CSTA: variants seen among roughly 807,000 people sequenced by gnomAD.
CSTA encodes cystatin-A.
Under a neutral mutation model 9.2 loss-of-function variants are expected in CSTA, and 9 were observed. That is an observed-to-expected ratio of 0.97 (90% CI 0.59 to 1.70). CSTA has a LOEUF of 1.70. Among genes scored for constraint, CSTA ranks in the 40% most tolerant of loss-of-function variants. The probability of loss-of-function intolerance (pLI) is 0.00; values close to 1 mark genes in which losing one functional copy is unlikely to be tolerated. For synonymous variants in CSTA, 36 were observed against 40.6 expected (o/e 0.89, Z 0.43); for missense variants, 118 against 113.1 (o/e 1.04, Z -0.20).
Position 122,337,832 on chromosome 3 carries a change from T to G in CSTA, c.168+184T>G, listed in dbSNP as rs2075244194. The G allele has an allele frequency of 9.6e-6, 6 of 622,130 alleles. No individual in the cohort carries two copies. In the Admixed American group the frequency reaches 1.2e-4, roughly 12 times the overall value. 38.5% of individuals were successfully genotyped at this position (622,130 alleles called of 1,614,324 possible). A position where few individuals can be genotyped will look rare whatever the true frequency, so the allele number is the denominator to read the frequency against. ...GATGATGTGACACCATTTTTTTTCT[T>G]GTGAATTCAGAAAGTTTTATTACAT... On this transcript the variant is annotated intron_variant, in intron 2 of 2. Coordinates refer to ENST00000264474, the MANE Select transcript of CSTA (RefSeq NM_005213.4).
In CSTA at chr3:122,341,383, T is replaced by C. The variant is rs1041534678; in HGVS notation, c.169-56T>C. The stretch of plus-strand genomic sequence containing the variant: ...GTAGACCTGTGGCTCTCTCACTTGA[T>C]GTAGACCCATTTGAATGAATCTCCT... On this transcript the variant is annotated intron_variant, in intron 2 of 2. Transcript: ENST00000264474. 1.5e-5 allele frequency: 24 copies of C among 1,594,726 alleles called. No individual in the cohort carries two copies. The African/African-American group carries it at 3.1e-4, about 21-fold the overall frequency.
At chr3:122,331,879 T>A (rs769140671) in intron 1 of CSTA, among the ~76,000 whole-genome samples, 6 of 152,134 alleles carry the variant, frequency 3.9e-5, no homozygotes, top group Non-Finnish European at 8.8e-5. Context: ...TGGAAGGCAA[T>A]TTTTCCACAG....
chr3:122,341,657 CT>C lies in CSTA; in HGVS notation c.*94del. On this transcript the variant is annotated 3_prime_UTR_variant, in exon 3 of 3. Transcript: ENST00000264474. The stretch of plus-strand genomic sequence containing the variant: ...ATATAACCATCAATAAAGAAGCATT[CT>C]TTTCCAAAGAAATTATTTCTTCAAT... 1 of 1,460,262 alleles carries C rather than the reference CT, an allele frequency of 6.8e-7. No homozygotes were observed. Among genetic ancestry groups the C allele is most frequent in the South Asian group, 1.2e-5 (1 of 83,512 alleles). The allele number at this position is 1,460,262 out of a possible 1,614,324, so 90.5% of individuals were successfully genotyped here. A position where few individuals can be genotyped will look rare whatever the true frequency, so the allele number is the denominator to read the frequency against.
chr3:122,328,996 C>T (rs1181782845), intron 1 of CSTA, among the ~76,000 whole-genome samples: 2 of 150,522 alleles, frequency 1.3e-5, no homozygotes, highest in African/African-American at 4.9e-5. Context: ...GACGGAATCT[C>T]GCTCTGTCGC....
intron 1 of CSTA, among the ~76,000 whole-genome samples, chr3:122,331,158 A>C (rs2075202810): frequency 2.0e-5 from 3 of 151,518 alleles, no homozygotes; most frequent in African/African-American, 7.3e-5. Context: ...CCTTAGTCAT[A>C]AACCTAATTG....
In CSTA at chr3:122,337,560, T is replaced by C; in HGVS notation, c.80T>C (p.Leu27Pro). 6.2e-7 allele frequency: 1 copy of C among 1,610,634 alleles called. No homozygotes were observed. The highest frequency in any genetic ancestry group is 8.5e-7 in the Non-Finnish European group (1 of 1,176,870). Residue 27 changes from leucine to proline, a missense_variant, in exon 2 of 3, where the codon CTT becomes CCT. Coordinates refer to ENST00000264474, the MANE Select transcript of CSTA (RefSeq NM_005213.4). ...TCTTTTCTTTAGGTTAAACCACAGC[T>C]TGAAGAAAAAACAAATGAGACTTAC... ...QEIVDKVKPQ[L>P]EEKTNETYGK... is the part of the protein sequence containing the mutation.
intron 1 of CSTA, among the ~76,000 whole-genome samples, chr3:122,327,762 CT>C (rs2075179277): frequency 6.6e-6 from 1 of 151,798 alleles, no homozygotes; most frequent in Admixed American, 6.6e-5. Context: ...AAAAATCCCC[CT>C]GAGACTCTCT....
chr3:122,328,612 G>C (rs1166696459), intron 1 of CSTA, among the ~76,000 whole-genome samples: 1 of 151,922 alleles, frequency 6.6e-6, no homozygotes, highest in Non-Finnish European at 1.5e-5. Context: ...GCTTTGTTAG[G>C]AAACGGAAAT....
chr3:122,331,583 T>C (rs564929222), intron 1 of CSTA, among the ~76,000 whole-genome samples: 1 of 152,306 alleles, frequency 6.6e-6, no homozygotes, highest in East Asian at 1.9e-4. Flanking sequence ...CCACTTTCTA[T>C]GCAGCTACTA....
At chr3:122,333,630 A>G (rs1295156541) in intron 1 of CSTA, among the ~76,000 whole-genome samples, 1 of 150,522 alleles carries the variant, frequency 6.6e-6, no homozygotes, top group Non-Finnish European at 1.5e-5. Flanking sequence ...AAGGAAAGGA[A>G]AGGAAGGAAG....
At chr3:122,337,014 A>G (rs934752546) in intron 1 of CSTA, among the ~76,000 whole-genome samples, 1 of 152,232 alleles carries the variant, frequency 6.6e-6, no homozygotes, top group Non-Finnish European at 1.5e-5. Flanking sequence ...GAGATCCTGG[A>G]GCAGAAAAGA....
At chr3:122,339,061 A>G (rs540781801) in intron 2 of CSTA, among the ~76,000 whole-genome samples, 6 of 152,016 alleles carry the variant, frequency 3.9e-5, no homozygotes, top group Non-Finnish European at 8.8e-5. Flanking sequence ...GCTCTGAGGC[A>G]CTCTAGATTT....
At chr3:122,335,775 A>G (rs2075233307) in intron 1 of CSTA, among the ~76,000 whole-genome samples, 1 of 151,828 alleles carries the variant, frequency 6.6e-6, no homozygotes, top group South Asian at 2.1e-4. Context: ...GGAATTACAG[A>G]CACCCACCAT....
intron 1 of CSTA, among the ~76,000 whole-genome samples, chr3:122,325,703 C>T (rs995001034): frequency 6.6e-6 from 1 of 152,130 alleles, no homozygotes; most frequent in African/African-American, 2.4e-5. Context: ...CCAAGTGAAG[C>T]CAACGTGTAA....
Position 122,341,871 on chromosome 3 carries a change from A to G in CSTA, c.*304A>G. On this transcript the variant is annotated 3_prime_UTR_variant, in exon 3 of 3. Transcript: ENST00000264474. ...CCACCATAGGCAGGCTGGATCGTGG[A>G]CTATCAATTCACCAGCCTCCTTGTT... 1 of 366,160 alleles carries G rather than the reference A, an allele frequency of 2.7e-6. No individual in the cohort carries two copies. Among genetic ancestry groups the G allele is most frequent in the South Asian group, 2.5e-5 (1 of 39,664 alleles). The allele number at this position is 366,160 out of a possible 1,614,324, so 22.7% of individuals were successfully genotyped here.
intron 2 of CSTA, among the ~76,000 whole-genome samples, chr3:122,338,855 A>G (rs544690559): frequency 5.9e-5 from 9 of 152,318 alleles, no homozygotes; most frequent in Non-Finnish European, 1.2e-4. Flanking sequence ...TGTTTCTTCA[A>G]CAGTTCATCA....
intron 1 of CSTA, among the ~76,000 whole-genome samples, chr3:122,333,595 A>G (rs938098791): frequency 3.9e-5 from 5 of 128,880 alleles, no homozygotes; most frequent in East Asian, 4.5e-4. Flanking sequence ...AAGAAAGAAG[A>G]AAGAGAGAGA....
chr3:122,329,136 T>G (rs998617170), intron 1 of CSTA, among the ~76,000 whole-genome samples: 83 of 151,558 alleles, frequency 5.5e-4, no homozygotes, highest in Non-Finnish European at 1.1e-3. Flanking sequence ...TGGCTAATTT[T>G]TTGTATTTTT....
intron 1 of CSTA, among the ~76,000 whole-genome samples, chr3:122,335,367 A>G (rs1005310177): frequency 1.3e-5 from 2 of 152,204 alleles, no homozygotes; most frequent in Non-Finnish European, 2.9e-5. Flanking sequence ...TATCCAGGTA[A>G]GCCCATGCAA....
Sources: gnomAD v4.1 joint callset for allele counts (sites outside exome capture counted in the v4.1 genomes callset) on GRCh38, gnomAD v4.1.1 for gene constraint, MANE v1.5 for transcripts, NCBI Gene and HGNC (gene_info 2026-07-23, HGNC 2026-07-21) for gene names.